The following SLC6A11 variants were observed in gnomAD, a reference collection of about 807,000 sequenced individuals.
SLC6A11 encodes sodium- and chloride-dependent GABA transporter 3.
In SLC6A11, 25 loss-of-function variants were observed where a neutral mutation model predicts 74.8. The observed-to-expected ratio is 0.33, with a 90% confidence interval of 0.24 to 0.47. The LOEUF is 0.47. Among genes scored for constraint, SLC6A11 ranks in the 20% least tolerant of loss-of-function variants. The pLI, the probability that SLC6A11 is intolerant of heterozygous loss-of-function variation, is 1.00. For synonymous variants in SLC6A11, 330 were observed against 330.2 expected, an observed-to-expected ratio of 1.00 and a Z score of 0.01; for missense variants, 574 against 837.0, an observed-to-expected ratio of 0.69 and a Z score of 3.88.
intron 6 of SLC6A11, among the ~76,000 whole-genome samples, chr3:10,884,369 A>G (rs190865980): frequency 2.6e-5 from 4 of 152,364 alleles, no homozygotes; most frequent in African/African-American, 7.2e-5. Context: ...GAAAATTATT[A>G]TATTTTAGAC....
rs1158499307 is a variant in SLC6A11 at position 10,938,677 on chromosome 3, G to A, written c.*275G>A. On this transcript the variant is annotated 3_prime_UTR_variant, in exon 14 of 14. Transcript: ENST00000254488. ...GGCAGTTTTAATCAATGTTTTCTAG[G>A]GATTAGGAAGAAGTGTATAATATTG... is the stretch of plus-strand genomic sequence containing the variant. The A allele has an allele frequency of 6.8e-6, 2 of 292,628 alleles. No individual in the cohort carries two copies. Among genetic ancestry groups the A allele is most frequent in the African/African-American group, 2.1e-5 (1 of 46,974 alleles). 18.1% of individuals were successfully genotyped at this position (292,628 alleles called of 1,614,324 possible).
At chr3:10,874,341 C>G (rs764646325) in intron 5 of SLC6A11, among the ~76,000 whole-genome samples, 1 of 152,190 alleles carries the variant, frequency 6.6e-6, no homozygotes, top group African/African-American at 2.4e-5. Context: ...AAGCACATCA[C>G]GGGCACTCAG....
At chr3:10,847,909 G>A (rs149828629) in intron 5 of SLC6A11, among the ~76,000 whole-genome samples, 251 of 152,308 alleles carry the variant, frequency 1.6e-3, no homozygotes, top group Middle Eastern at 3.4e-3. Context: ...CCCCTGGCCT[G>A]TGGGACCCTA....
chr3:10,916,832 A>G (rs185762179), intron 7 of SLC6A11, among the ~76,000 whole-genome samples: 6 of 152,330 alleles, frequency 3.9e-5, no homozygotes, highest in African/African-American at 1.4e-4. Flanking sequence ...ATCAGGTTCG[A>G]AGAAAAAATA....
At chr3:10,823,200 T>G in intron 3 of SLC6A11, 102 bp from the exon 4 acceptor site, 1 of 770,514 alleles carries the variant, frequency 1.3e-6, no homozygotes, top group South Asian at 1.5e-5. Flanking sequence ...CTGGAGTGGG[T>G]AGATGAAAAT....
At chr3:10,893,127 T>C (rs1239313538) in intron 6 of SLC6A11, among the ~76,000 whole-genome samples, 1 of 152,136 alleles carries the variant, frequency 6.6e-6, no homozygotes, top group Non-Finnish European at 1.5e-5. Flanking sequence ...TAATTGTCCT[T>C]CTTCTCCAGC....
chr3:10,837,259 G>A (rs532442881), intron 4 of SLC6A11, among the ~76,000 whole-genome samples: 1 of 152,330 alleles, frequency 6.6e-6, no homozygotes, highest in Admixed American at 6.5e-5. Context: ...AGGATGTTTG[G>A]GGACTGATGG....
intron 5 of SLC6A11, among the ~76,000 whole-genome samples, chr3:10,861,206 AT>A (rs1347783687): frequency 1.3e-5 from 2 of 152,156 alleles, no homozygotes; most frequent in African/African-American, 4.8e-5. Context: ...TGGTTATTTG[AT>A]TAATTGATTG....
chr3:10,853,413 C>T (rs776656335), intron 5 of SLC6A11, among the ~76,000 whole-genome samples: 17 of 152,306 alleles, frequency 1.1e-4, no homozygotes, highest in East Asian at 3.9e-4. Context: ...CCAGTGCAGT[C>T]GGGATTGATG....
intron 5 of SLC6A11, among the ~76,000 whole-genome samples, chr3:10,872,533 CT>C (rs1449182900): frequency 1.3e-5 from 2 of 152,200 alleles, no homozygotes; most frequent in African/African-American, 2.4e-5. Context: ...TTTTGCTCCC[CT>C]GATGACATGA....
chr3:10,845,056 G>A (rs1694486411), intron 5 of SLC6A11, among the ~76,000 whole-genome samples: 1 of 152,242 alleles, frequency 6.6e-6, no homozygotes, highest in Non-Finnish European at 1.5e-5. Context: ...GATCAGTACA[G>A]AGGTTAGAAA....
At chr3:10,923,049 G>A (rs1488230258) in intron 8 of SLC6A11, among the ~76,000 whole-genome samples, 1 of 151,992 alleles carries the variant, frequency 6.6e-6, no homozygotes, top group African/African-American at 2.4e-5. Flanking sequence ...TCTTTTATTG[G>A]AATTGGAAGT....
At chr3:10,878,324 C>T (rs143500396) in intron 6 of SLC6A11, among the ~76,000 whole-genome samples, 2,031 of 151,950 alleles carry the variant, frequency 0.013, 36 homozygotes, top group African/African-American at 0.046. Context: ...TTCACATATG[C>T]TGTTTCTCTG....
At chr3:10,935,367 T>G in intron 13 of SLC6A11, 168 bp downstream of exon 13, 1 of 622,432 alleles carries the variant, frequency 1.6e-6, no homozygotes, top group East Asian at 2.8e-5. Context: ...GTGCCCAAGG[T>G]GTCTCTGTGA....
At chr3:10,920,617 A>G (rs145105597) in intron 8 of SLC6A11, among the ~76,000 whole-genome samples, 152 of 152,358 alleles carry the variant, frequency 1.0e-3, no homozygotes, top group African/African-American at 3.5e-3. Context: ...CACCTCTGCA[A>G]CATAGGTTTT....
At chr3:10,913,762 C>T (rs910076266) in intron 7 of SLC6A11, among the ~76,000 whole-genome samples, 4 of 152,304 alleles carry the variant, frequency 2.6e-5, no homozygotes, top group African/African-American at 7.2e-5. Flanking sequence ...GGCACGATCT[C>T]GGCTCACTAC....
At position 10,938,104 on chromosome 3, in the gene SLC6A11, C is replaced by G. The variant is rs567317372; in HGVS notation, c.1747-146C>G. On this transcript the variant is annotated intron_variant, in intron 13 of 13. Coordinates refer to ENST00000254488, the MANE Select transcript of SLC6A11 (RefSeq NM_014229.3). ...AGGTTGTTCATCATCCAGGACAGAG[C>G]TGTAAGGGGCCAAGCTGGGGCCCGG... is the stretch of plus-strand genomic sequence containing the variant. 4.1e-5 allele frequency: 26 copies of G among 639,078 alleles called. No individual in the cohort carries two copies. The Middle Eastern group carries it at 1.8e-3, about 45-fold the overall frequency. The allele number at this position is 639,078 out of a possible 1,614,324, so 39.6% of individuals were successfully genotyped here. A position where few individuals can be genotyped will look rare whatever the true frequency, so the allele number is the denominator to read the frequency against.
At chr3:10,830,848 C>G (rs948874190) in intron 4 of SLC6A11, among the ~76,000 whole-genome samples, 1 of 152,076 alleles carries the variant, frequency 6.6e-6, no homozygotes, top group Non-Finnish European at 1.5e-5. Context: ...TGTTCTATTC[C>G]TAGAGTTGTG....
intron 6 of SLC6A11, among the ~76,000 whole-genome samples, chr3:10,880,694 T>G (rs1395188677): frequency 6.6e-6 from 1 of 152,058 alleles, no homozygotes; most frequent in Non-Finnish European, 1.5e-5. Flanking sequence ...TGAGCTCAGG[T>G]GGACTGAGGG....
Sources: gnomAD v4.1 joint callset for allele counts (sites outside exome capture counted in the v4.1 genomes callset) on GRCh38, gnomAD v4.1.1 for gene constraint, MANE v1.5 for transcripts, NCBI Gene and HGNC (gene_info 2026-07-23, HGNC 2026-07-21) for gene names.